ARID1B: variants seen among roughly 807,000 people sequenced by gnomAD.
The protein encoded by ARID1B is AT-rich interaction domain 1B.
A neutral mutation model predicts 212.3 loss-of-function variants in ARID1B; 30 were observed. The observed-to-expected ratio is 0.14, with a 90% CI of 0.11 to 0.19. The LOEUF is 0.19. Among genes scored for constraint, ARID1B ranks in the 10% least tolerant of loss-of-function variants. The pLI is 1.00. For synonymous variants in ARID1B, 1,402 were observed against 1,301.7 expected, an observed-to-expected ratio of 1.08 and a Z score of -1.66; for missense variants, 2,891 against 3,204.0, an observed-to-expected ratio of 0.90 and a Z score of 2.36.
chr6:157,207,564 G>A lies in ARID1B; in HGVS notation c.6792G>A (p.Gly2264=), dbSNP rs2128398513. ...SMALLSNLAQ[G]DALAARAIAV... is the part of the protein sequence containing the mutation. ...CGCTTTTATCGAACCTTGCCCAAGG[G>A]GACGCACTAGCAGCAAGGGCCATAG... The change falls in exon 20 of 20, where the codon GGG becomes GGA. Residue 2264 remains glycine (G), a synonymous_variant. Coordinates refer to ENST00000636930, the MANE Select transcript of ARID1B (RefSeq NM_001374828.1). The surrounding 1 kb of genome is among the most constrained non-coding windows in gnomAD (Gnocchi z 8.5). The A allele has an allele frequency of 6.2e-7, 1 of 1,614,162 alleles. No homozygotes were observed. Among genetic ancestry groups the A allele is most frequent in the African/African-American group, 1.3e-5 (1 of 75,036 alleles).
At chr6:156,969,723 T>A (rs1776787019) in intron 4 of ARID1B, among the ~76,000 whole-genome samples, 1 of 152,194 alleles carries the variant, frequency 6.6e-6, no homozygotes, top group Non-Finnish European at 1.5e-5. Context: ...ACGAGCTTTA[T>A]ATGGCCAGGG....
At chr6:156,804,473 T>C (rs538738646) in intron 1 of ARID1B, among the ~76,000 whole-genome samples, 1 of 152,212 alleles carries the variant, frequency 6.6e-6, no homozygotes, top group Non-Finnish European at 1.5e-5. Context: ...ACTGGGTAAT[T>C]TATAAAGGAA....
intron 4 of ARID1B, among the ~76,000 whole-genome samples, chr6:157,052,199 T>C (rs894153425): frequency 2.6e-5 from 4 of 152,326 alleles, no homozygotes; most frequent in Admixed American, 2.6e-4. Context: ...TATATATATA[T>C]GTAGTAAAAT....
intron 7 of ARID1B, among the ~76,000 whole-genome samples, chr6:157,143,873 G>A (rs1562298563): frequency 6.6e-6 from 1 of 152,220 alleles, no homozygotes; most frequent in Non-Finnish European, 1.5e-5. Flanking sequence ...TCCTTGACAT[G>A]CACTTTTGAG....
At chr6:156,872,584 G>C (rs1786227898) in intron 2 of ARID1B, among the ~76,000 whole-genome samples, 1 of 152,160 alleles carries the variant, frequency 6.6e-6, no homozygotes, top group South Asian at 2.1e-4. Flanking sequence ...GCCTCCCAAA[G>C]TGCTGAGCCA....
At chr6:156,946,868 G>A (rs1397788396) in intron 4 of ARID1B, among the ~76,000 whole-genome samples, 2 of 152,172 alleles carry the variant, frequency 1.3e-5, no homozygotes, top group Non-Finnish European at 2.9e-5. Context: ...CTCAAATCCT[G>A]TAACATCTAA....
At chr6:157,192,709 G>A (rs1044488028) in intron 15 of ARID1B, among the ~76,000 whole-genome samples, 20 of 152,196 alleles carry the variant, frequency 1.3e-4, no homozygotes, top group African/African-American at 4.8e-4. Context: ...CCGGTGGCAA[G>A]TACAATCCCT....
At position 157,179,688 on chromosome 6, in the gene ARID1B, G is replaced by A. The variant is rs549508816; in HGVS notation, c.3505-1281G>A. On this transcript the variant is annotated intron_variant, in intron 11 of 19. Coordinates refer to ENST00000636930, the MANE Select transcript of ARID1B (RefSeq NM_001374828.1). ...GTTATGCCTCAGTAATTCTGAAGCTGAAGGCTTAAAATCTCAGCCCAGTGA... is the reference window on the plus strand; with the variant it reads ...GTTATGCCTCAGTAATTCTGAAGCTAAAGGCTTAAAATCTCAGCCCAGTGA... Among the ~76,000 whole-genome samples, 12 of 152,266 alleles carry A rather than the reference G, an allele frequency of 7.9e-5. No homozygotes were observed. The East Asian group carries it at 1.4e-3, about 17-fold the overall frequency.
At chr6:157,154,281 C>G (rs1265529950) in intron 8 of ARID1B, among the ~76,000 whole-genome samples, 1 of 152,134 alleles carries the variant, frequency 6.6e-6, no homozygotes, top group Non-Finnish European at 1.5e-5. Flanking sequence ...CCTAGCACCT[C>G]ACATATATAA....
intron 8 of ARID1B, chr6:157,150,141 A>G (rs1329595709): frequency 6.6e-6 from 1 of 152,204 alleles, no homozygotes; most frequent in Admixed American, 6.5e-5. Flanking sequence ...TGAATTGTCC[A>G]TTGTTGCAAC....
At chr6:156,909,955 G>A (rs1234406000) in intron 3 of ARID1B, among the ~76,000 whole-genome samples, 1 of 152,222 alleles carries the variant, frequency 6.6e-6, no homozygotes, top group Non-Finnish European at 1.5e-5. Flanking sequence ...GACAGATAAA[G>A]CTTCCCTTTG....
intron 6 of ARID1B, among the ~76,000 whole-genome samples, chr6:157,113,306 C>T (rs1406399981): frequency 2.0e-5 from 3 of 152,312 alleles, no homozygotes; most frequent in Non-Finnish European, 2.9e-5. Context: ...TCTAAACCTC[C>T]TCTGAAAGAC....
At chr6:156,876,138 G>A (rs1025730018) in intron 2 of ARID1B, among the ~76,000 whole-genome samples, 14 of 152,162 alleles carry the variant, frequency 9.2e-5, no homozygotes, top group African/African-American at 2.9e-4. Context: ...TACCTACCAG[G>A]CACTGAACAG....
At position 156,812,875 on chromosome 6, in the gene ARID1B, T is replaced by TTA. The variant is rs1441996820; in HGVS notation, c.1792-16352_1792-16351insTA. ...AGCTCCACTTTCATGTGGTATGTTA[T>TTA]AAAAAAAAAAAAAAAAGCTTTCCTC... is the stretch of plus-strand genomic sequence containing the variant. On this transcript the variant is annotated intron_variant, in intron 1 of 19. Transcript: ENST00000636930. Among the ~76,000 whole-genome samples, 4 of 103,506 alleles carry TTA rather than the reference T, an allele frequency of 3.9e-5. No individual in the cohort carries two copies. The East Asian group carries it at 1.1e-3, about 29-fold the overall frequency. The allele number at this position is 103,506 out of a possible 152,430, so 67.9% of individuals were successfully genotyped here.
At chr6:157,046,257 C>G (rs1012861779) in intron 4 of ARID1B, among the ~76,000 whole-genome samples, 1 of 152,078 alleles carries the variant, frequency 6.6e-6, no homozygotes, top group Admixed American at 6.5e-5. Context: ...TCAGAAAAGA[C>G]AAGACTGTGA....
At chr6:156,891,551 C>G (rs1787923581) in intron 2 of ARID1B, among the ~76,000 whole-genome samples, 2 of 152,184 alleles carry the variant, frequency 1.3e-5, no homozygotes, top group African/African-American at 4.8e-5. Flanking sequence ...ACCTATACCA[C>G]AAACAGATTC....
chr6:156,799,634 G>T (rs1780641259), intron 1 of ARID1B, among the ~76,000 whole-genome samples: 1 of 152,082 alleles, frequency 6.6e-6, no homozygotes, highest in Non-Finnish European at 1.5e-5. Flanking sequence ...GCACCACCAT[G>T]CCTGGGTAAT....
intron 4 of ARID1B, among the ~76,000 whole-genome samples, chr6:157,077,488 C>T (rs764167100): frequency 9.2e-5 from 14 of 152,100 alleles, no homozygotes; most frequent in Non-Finnish European, 1.9e-4. Context: ...CCGCCTGTGC[C>T]GAAATGAGCA....
At chr6:157,066,587 G>A (rs909584747) in intron 4 of ARID1B, among the ~76,000 whole-genome samples, 2 of 152,142 alleles carry the variant, frequency 1.3e-5, no homozygotes, top group Admixed American at 1.3e-4. Flanking sequence ...GATAGCTTAT[G>A]TCTGAGTTCA....
Sources: gnomAD v4.1 joint callset for allele counts (sites outside exome capture counted in the v4.1 genomes callset) on GRCh38, gnomAD v4.1.1 for gene constraint, Gnocchi (gnomAD v3.1) non-coding constraint, MANE v1.5 for transcripts, NCBI Gene and HGNC (gene_info 2026-07-23, HGNC 2026-07-21) for gene names.